The following GRIA1 variants were observed in gnomAD, a reference collection of about 807,000 sequenced individuals.
GRIA1 encodes glutamate ionotropic receptor AMPA type subunit 1, also known as glutamate receptor 1.
Under a neutral mutation model 99.2 loss-of-function variants are expected in GRIA1, and 31 were observed. The observed-to-expected ratio is 0.31, with a 90% CI of 0.23 to 0.42. The LOEUF (loss-of-function observed/expected upper bound fraction) is 0.42. Ranked by LOEUF, GRIA1 falls within the 10% of genes least tolerant of loss-of-function variation. GRIA1 has a pLI of 1.00. For synonymous variants in GRIA1, 438 were observed against 432.4 expected (o/e 1.01, Z -0.16); for missense variants, 782 against 1,157.5 (o/e 0.68, Z 4.71).
intron 2 of GRIA1, among the ~76,000 whole-genome samples, chr5:153,505,449 T>C (rs1276614388): frequency 6.6e-6 from 1 of 152,226 alleles, no homozygotes; most frequent in Non-Finnish European, 1.5e-5. Flanking sequence ...GAAGCAGAGA[T>C]TATGAGAAGA....
At chr5:153,806,182 T>C (rs892037177) in intron 15 of GRIA1, among the ~76,000 whole-genome samples, 1 of 152,242 alleles carries the variant, frequency 6.6e-6, no homozygotes, top group African/African-American at 2.4e-5. Flanking sequence ...GGTGATGACA[T>C]GGGCATTTGA....
intron 2 of GRIA1, among the ~76,000 whole-genome samples, chr5:153,517,140 C>T (rs899613447): frequency 6.6e-6 from 1 of 152,206 alleles, no homozygotes; most frequent in Non-Finnish European, 1.5e-5. Flanking sequence ...CTAGAGGATG[C>T]TCTCTGCTTT....
chr5:153,696,098 G>A (rs1758073323), intron 8 of GRIA1, among the ~76,000 whole-genome samples: 1 of 152,128 alleles, frequency 6.6e-6, no homozygotes, highest in African/African-American at 2.4e-5. Context: ...GCATGCAGGG[G>A]GCACGTCCCT....
intron 2 of GRIA1, among the ~76,000 whole-genome samples, chr5:153,591,151 C>T (rs570224731): frequency 7.2e-5 from 11 of 152,280 alleles, no homozygotes; most frequent in African/African-American, 2.2e-4. Flanking sequence ...CTAGATCATC[C>T]TTGTCTATCT....
chr5:153,671,884 C>G (rs1365582614), intron 5 of GRIA1, among the ~76,000 whole-genome samples: 10 of 152,130 alleles, frequency 6.6e-5, no homozygotes, highest in Non-Finnish European at 1.3e-4. Context: ...CATGAGTAAA[C>G]AAGATAATCT....
chr5:153,516,898 A>G (rs564196612), intron 2 of GRIA1, among the ~76,000 whole-genome samples: 1 of 152,314 alleles, frequency 6.6e-6, no homozygotes, highest in Admixed American at 6.5e-5. Context: ...CTGAAGAAAA[A>G]TATTCTACTG....
intron 7 of GRIA1, among the ~76,000 whole-genome samples, chr5:153,681,250 AC>A (rs1343281085): frequency 6.6e-6 from 1 of 152,152 alleles, no homozygotes; most frequent in Non-Finnish European, 1.5e-5. Context: ...CTTATTCATT[AC>A]CATGGGGAGG....
At chr5:153,711,633 C>A (rs1391755659) in intron 11 of GRIA1, among the ~76,000 whole-genome samples, 2 of 152,146 alleles carry the variant, frequency 1.3e-5, no homozygotes, top group Non-Finnish European at 2.9e-5. Context: ...CCAGGCGATA[C>A]CTATGGCTGA....
At chr5:153,504,324 T>G (rs1378283339) in intron 2 of GRIA1, among the ~76,000 whole-genome samples, 1 of 150,396 alleles carries the variant, frequency 6.6e-6, no homozygotes, top group South Asian at 2.1e-4. Context: ...AATAGATATA[T>G]ATATATATTT....
rs1561882244 is a variant in GRIA1 at position 153,812,347 on chromosome 5, C to T, written c.*1122C>T. ...GGAAGAGGAAGCCTCATCAAAAGCT[C>T]ACACAAAATAGAGCTTCCCATGGTG... On this transcript the variant is annotated 3_prime_UTR_variant, in exon 16 of 16. Transcript: ENST00000285900. The T allele has an allele frequency of 6.6e-6, 1 of 152,128 alleles. No individual in the cohort carries two copies. Among genetic ancestry groups the T allele is most frequent in the Admixed American group, 6.5e-5 (1 of 15,276 alleles). 9.4% of individuals were successfully genotyped at this position (152,128 alleles called of 1,614,324 possible).
chr5:153,614,898 G>A (rs1031623469), intron 2 of GRIA1, among the ~76,000 whole-genome samples: 14 of 152,140 alleles, frequency 9.2e-5, no homozygotes, highest in African/African-American at 3.1e-4. Context: ...AGTGGCAGGT[G>A]GAAAAAATAC....
intron 15 of GRIA1, among the ~76,000 whole-genome samples, chr5:153,807,327 AG>A (rs1766501848): frequency 6.6e-6 from 1 of 152,200 alleles, no homozygotes; most frequent in African/African-American, 2.4e-5. Flanking sequence ...AGAAGCTCAG[AG>A]TTTGATGGGG....
At chr5:153,795,576 G>A (rs150386953) in intron 14 of GRIA1, 1 of 1,602,650 alleles carries the variant, frequency 6.2e-7, no homozygotes, top group Non-Finnish European at 8.5e-7. Context: ...TGGAAGCAAG[G>A]ACTCCGGAAG....
intron 13 of GRIA1, among the ~76,000 whole-genome samples, chr5:153,784,331 A>C (rs1764832755): frequency 6.6e-6 from 1 of 152,172 alleles, no homozygotes; most frequent in African/African-American, 2.4e-5. Flanking sequence ...GAGGTACTCA[A>C]ATCACGCCTT....
intron 8 of GRIA1, among the ~76,000 whole-genome samples, chr5:153,695,835 A>G (rs1199108724): frequency 6.6e-6 from 1 of 152,194 alleles, no homozygotes; most frequent in Non-Finnish European, 1.5e-5. Context: ...CTGTCTCAGC[A>G]TCGATAGGGT....
rs572674223 is a variant in GRIA1, at chr5:153,664,067, G to A, written c.699+8195G>A. 3.4e-4 allele frequency among the ~76,000 whole-genome samples: 52 copies of A among 152,286 alleles called. 1 individual carries two copies. Among genetic ancestry groups the A allele is most frequent in the Non-Finnish European group, 5.9e-4 (40 of 68,016 alleles). On this transcript the variant is annotated intron_variant, in intron 5 of 15. Transcript: ENST00000285900. Reference sequence around the variant, plus strand: ...AGAGGGGCCCCTTAGCACTAATTTTGGCAGATGGTTGGTGAGCTATGTAAC... The same window carrying A: ...AGAGGGGCCCCTTAGCACTAATTTTAGCAGATGGTTGGTGAGCTATGTAAC...
At chr5:153,742,946 A>C (rs1041601598) in intron 11 of GRIA1, among the ~76,000 whole-genome samples, 4 of 152,198 alleles carry the variant, frequency 2.6e-5, no homozygotes, top group South Asian at 2.1e-4. Context: ...ATTAGAGCAT[A>C]GATGTTTTTG....
chr5:153,594,492 C>T (rs1017826950), intron 2 of GRIA1, among the ~76,000 whole-genome samples: 8 of 151,514 alleles, frequency 5.3e-5, no homozygotes, highest in African/African-American at 1.9e-4. Context: ...TTTGATTTTT[C>T]CTTCATTATA....
chr5:153,545,918 C>A (rs1759576174), intron 2 of GRIA1, among the ~76,000 whole-genome samples: 1 of 152,166 alleles, frequency 6.6e-6, no homozygotes, highest in Admixed American at 6.6e-5. Context: ...GATGGCCCTG[C>A]CTATTAGCAA....
Sources: allele counts gnomAD v4.1 joint callset (sites outside exome capture counted in the v4.1 genomes callset), GRCh38; gene constraint gnomAD v4.1.1; transcripts MANE v1.5; gene names NCBI Gene and HGNC (gene_info 2026-07-23, HGNC 2026-07-21).